Variants in ZNF540 observed in about 807,000 individuals in gnomAD.
ZNF540 encodes zinc finger protein 540, also known as CTD-3064H18.6.
In ZNF540, 3 loss-of-function variants were observed where a neutral mutation model predicts 11.8. That is an observed-to-expected ratio of 0.25 (90% CI 0.12 to 0.65). The LOEUF (loss-of-function observed/expected upper bound fraction) is 0.65, where lower values mean the gene tolerates loss of function less well. Ranked by LOEUF, ZNF540 falls within the 30% of genes least tolerant of loss-of-function variation. The probability of loss-of-function intolerance (pLI) is 0.83; values close to 1 mark genes in which losing one functional copy is unlikely to be tolerated. For synonymous variants in ZNF540, 247 were observed against 259.0 expected (o/e 0.95, Z 0.45); for missense variants, 709 against 793.1 (o/e 0.89, Z 1.27).
chr19:37,566,026 G>A (rs1344039748), intron 1 of ZNF540: 10 of 1,613,824 alleles, frequency 6.2e-6, no homozygotes, highest in Non-Finnish European at 8.5e-6. Context: ...ATTTTTCCTT[G>A]GTAGGAATTA....
chr19:37,552,696 C>T (rs2042618461), intron 1 of ZNF540, among the ~76,000 whole-genome samples: 1 of 152,098 alleles, frequency 6.6e-6, no homozygotes, highest in South Asian at 2.1e-4. Flanking sequence ...GCCTGTAATC[C>T]TAGCACTCTG....
intron 1 of ZNF540, among the ~76,000 whole-genome samples, chr19:37,554,457 G>C: frequency 6.6e-6 from 1 of 152,080 alleles, no homozygotes; most frequent in East Asian, 1.9e-4. Context: ...ATTCTCACAA[G>C]GAGTTTATGA....
chr19:37,552,802 C>G (rs2042619423), intron 1 of ZNF540, among the ~76,000 whole-genome samples: 1 of 151,960 alleles, frequency 6.6e-6, no homozygotes, highest in Admixed American at 6.6e-5. Context: ...ACAAAATTAG[C>G]CGAGTGTGGT....
chr19:37,573,135 CT>C lies in ZNF540; in HGVS notation c.-73+21480del, dbSNP rs138972594. On this transcript the variant is annotated intron_variant, in intron 1 of 4. Transcript: ENST00000592533. ...CTAATGCCACCAACCTCTTCCAACT[CT>C]TTTTTTTTTCTTCCAACTCTTTATT... 6.0e-5 allele frequency among the ~76,000 whole-genome samples: 9 copies of C among 150,378 alleles called. No individual in the cohort carries two copies. The South Asian group carries it at 1.0e-3, about 18-fold the overall frequency.
At chr19:37,566,177 T>C (rs1269789320) in intron 1 of ZNF540, 3 of 1,614,022 alleles carry the variant, frequency 1.9e-6, no homozygotes, top group East Asian at 2.2e-5. Context: ...TCCAAGACCA[T>C]TGTATTGAAG....
At chr19:37,554,239 T>C (rs1415226183) in intron 1 of ZNF540, among the ~76,000 whole-genome samples, 2 of 152,232 alleles carry the variant, frequency 1.3e-5, no homozygotes, top group Admixed American at 1.3e-4. Flanking sequence ...AGTGAGAACA[T>C]AACAGTATTT....
At chr19:37,589,767 G>A (rs1024437182) in intron 1 of ZNF540, among the ~76,000 whole-genome samples, 1 of 140,638 alleles carries the variant, frequency 7.1e-6, no homozygotes, top group Non-Finnish European at 1.5e-5. Flanking sequence ...TTGGGAGGCT[G>A]AGGCAAAGAA....
chr19:37,553,841 G>A (rs924269084), intron 1 of ZNF540, among the ~76,000 whole-genome samples: 3 of 151,792 alleles, frequency 2.0e-5, no homozygotes, highest in Non-Finnish European at 2.9e-5. Flanking sequence ...TATTGATTTT[G>A]CATTAAAAAC....
At chr19:37,555,257 A>T (rs964096110) in intron 1 of ZNF540, 1 of 152,296 alleles carries the variant, frequency 6.6e-6, no homozygotes, top group Non-Finnish European at 1.5e-5. Context: ...GAAAAGGGAG[A>T]GTCTAAAAAC....
Position 37,612,261 on chromosome 19 carries a change from T to C in ZNF540, c.981T>C (p.Tyr327=), listed in dbSNP as rs2044137009. 1 of 1,613,936 alleles carries C rather than the reference T, an allele frequency of 6.2e-7. No homozygotes were observed. The highest frequency in any genetic ancestry group is 1.1e-5 in the South Asian group (1 of 91,080). The change falls in exon 5 of 5, where the codon TAT becomes TAC. Residue 327 remains tyrosine (Y), a synonymous_variant. Coordinates refer to ENST00000316433, the MANE Select transcript of ZNF540 (RefSeq NM_001172225.3). ...HERIHTGKKP[Y]ECKECGKAFS... is the part of the protein sequence containing the mutation. ...GAATTCATACAGGTAAGAAACCCTA[T>C]GAATGTAAGGAGTGTGGGAAAGCTT... is the stretch of plus-strand genomic sequence containing the variant.
intron 1 of ZNF540, chr19:37,584,197 AAAC>A: frequency 6.4e-7 from 1 of 1,557,300 alleles, no homozygotes; most frequent in Non-Finnish European, 8.7e-7. Flanking sequence ...AAGTAACACA[AAAC>A]AACAGGAAAT....
intron 1 of ZNF540, among the ~76,000 whole-genome samples, chr19:37,553,888 A>G (rs2042634022): frequency 6.6e-6 from 1 of 152,150 alleles, no homozygotes; most frequent in South Asian, 2.1e-4. Context: ...GGAAAACAAT[A>G]TTTACTCATA....
At chr19:37,587,833 G>C (rs568457078) in intron 1 of ZNF540, among the ~76,000 whole-genome samples, 2 of 152,014 alleles carry the variant, frequency 1.3e-5, no homozygotes, top group Admixed American at 6.5e-5. Flanking sequence ...AGAATACATG[G>C]GTTGGCTGCA....
intron 1 of ZNF540, 29 bp from the exon 2 acceptor site, chr19:37,598,347 C>T: frequency 8.4e-7 from 1 of 1,183,720 alleles, no homozygotes; most frequent in East Asian, 2.3e-5. Flanking sequence ...CCTAGTCTCA[C>T]TGTCTCATTT....
chr19:37,609,708 T>C (rs1414522298), intron 4 of ZNF540, among the ~76,000 whole-genome samples: 2 of 150,018 alleles, frequency 1.3e-5, no homozygotes, highest in Admixed American at 6.7e-5. Flanking sequence ...ATTAGCTGGG[T>C]TTGGTGGCAT....
At chr19:37,592,333 T>A (rs1210375556), upstream of ZNF540, among the ~76,000 whole-genome samples, 1 of 152,210 alleles carries the variant, frequency 6.6e-6, no homozygotes, top group Non-Finnish European at 1.5e-5. Flanking sequence ...CCTTCTAAAA[T>A]TTTTCACGGT....
chr19:37,564,659 T>G, intron 1 of ZNF540: 1 of 1,608,220 alleles, frequency 6.2e-7, no homozygotes, highest in Non-Finnish European at 8.5e-7. Flanking sequence ...TTTACCACAC[T>G]GGACACATGT....
chr19:37,583,963 G>A, intron 1 of ZNF540: 4 of 1,594,832 alleles, frequency 2.5e-6, no homozygotes, highest in Non-Finnish European at 3.4e-6. Context: ...TACGTAGGAT[G>A]ATCTTACCCA....
At chr19:37,579,145 C>T (rs1158829512) in intron 1 of ZNF540, among the ~76,000 whole-genome samples, 1 of 152,188 alleles carries the variant, frequency 6.6e-6, no homozygotes, top group African/African-American at 2.4e-5. Flanking sequence ...TTCTGTAGGA[C>T]CCTGCATGAG....
Sources: allele counts gnomAD v4.1 joint callset (sites outside exome capture counted in the v4.1 genomes callset), GRCh38; gene constraint gnomAD v4.1.1; transcripts MANE v1.5; gene names NCBI Gene and HGNC (gene_info 2026-07-23, HGNC 2026-07-21).